GSDME: variants seen among roughly 807,000 people sequenced by gnomAD.
GSDME encodes gasdermin E, also known as gasdermin-E.
A neutral mutation model predicts 47.5 loss-of-function variants in GSDME; 44 were observed. The observed-to-expected ratio is 0.93, with a 90% CI of 0.73 to 1.19. GSDME has a LOEUF of 1.19. GSDME is among the 50% of genes most tolerant of loss of function. GSDME has a pLI of 0.00. For synonymous variants in GSDME, 258 were observed against 252.8 expected, an observed-to-expected ratio of 1.02 and a Z score of -0.20; for missense variants, 663 against 604.2, an observed-to-expected ratio of 1.10 and a Z score of -1.02.
rs1395273223 is a variant in GSDME, at chr7:24,716,451, A to G, written c.697+803T>C. On this transcript the variant is annotated intron_variant, in intron 5 of 9. Transcript: ENST00000645220. The surrounding 1 kb of genome is among the most constrained non-coding windows in gnomAD (Gnocchi z 4.5). ...TAACTATAATACCATTGTCACACCT[A>G]AAAAACTTCACAATTTATTATGTTA... 6.6e-6 allele frequency: 1 copy of G among 152,364 alleles called. No individual in the cohort carries two copies. Among genetic ancestry groups the G allele is most frequent in the Non-Finnish European group, 1.5e-5 (1 of 68,152 alleles). 9.4% of individuals were successfully genotyped at this position (152,364 alleles called of 1,614,324 possible).
Position 24,736,238 on chromosome 7 carries a change from AAAC to A in GSDME, c.404+8321_404+8323del. On this transcript the variant is annotated intron_variant, in intron 3 of 9. Coordinates refer to ENST00000645220, the MANE Select transcript of GSDME (RefSeq NM_001127453.2). The surrounding 1 kb of genome is among the most constrained non-coding windows in gnomAD (Gnocchi z 4.6). ...GACATACACTGGCTAAATGGATTAAAAACAACAAAAAAAGACCAAATGATCTGT... is the reference window on the plus strand; with the variant it reads ...GACATACACTGGCTAAATGGATTAAAAACAAAAAAAGACCAAATGATCTGT... Among the ~76,000 whole-genome samples, 1 of 152,294 alleles carries A rather than the reference AAAC, an allele frequency of 6.6e-6. No homozygotes were observed. Among genetic ancestry groups the A allele is most frequent in the Non-Finnish European group, 1.5e-5 (1 of 68,024 alleles).
chr7:24,711,681 C>T (rs1435852606), intron 5 of GSDME, among the ~76,000 whole-genome samples: 1 of 151,852 alleles, frequency 6.6e-6, no homozygotes, highest in Non-Finnish European at 1.5e-5. Context: ...TGGGCATGGT[C>T]ACACATGCCT....
intron 9 of GSDME, among the ~76,000 whole-genome samples, chr7:24,700,873 G>T (rs1788837034): frequency 6.6e-6 from 1 of 152,220 alleles, no homozygotes; most frequent in Non-Finnish European, 1.5e-5. Flanking sequence ...CCTGGTGGAT[G>T]AGAGCTGTGC....
At position 24,745,584 on chromosome 7, in the gene GSDME, T is replaced by C. The variant is rs997758981; in HGVS notation, c.212-830A>G. On this transcript the variant is annotated intron_variant, in intron 2 of 9. Transcript: ENST00000645220. The surrounding 1 kb of genome is among the most constrained non-coding windows in gnomAD (Gnocchi z 4.4). The stretch of plus-strand genomic sequence containing the variant: ...TCTCACATCTCCAGGTTTCTACTAT[T>C]CTCTTTTGTAATCCAAACAAAAACC... 6.6e-6 allele frequency among the ~76,000 whole-genome samples: 1 copy of C among 152,164 alleles called. No individual in the cohort carries two copies. Among genetic ancestry groups the C allele is most frequent in the Non-Finnish European group, 1.5e-5 (1 of 68,026 alleles).
In GSDME at chr7:24,721,336, C is replaced by G. The variant is rs2128054626; in HGVS notation, c.405-2118G>C. 6.6e-6 allele frequency among the ~76,000 whole-genome samples: 1 copy of G among 152,332 alleles called. No individual in the cohort carries two copies. Among genetic ancestry groups the G allele is most frequent in the Non-Finnish European group, 1.5e-5 (1 of 68,038 alleles). ...AAGGAAATTCAAATTATAAAAATGT[C>G]TCACACGTGATAAAAATACATTGAT... On this transcript the variant is annotated intron_variant, in intron 3 of 9. Transcript: ENST00000645220. The surrounding 1 kb of genome is among the most constrained non-coding windows in gnomAD (Gnocchi z 4.1).
intron 3 of GSDME, among the ~76,000 whole-genome samples, chr7:24,722,084 A>G (rs758195248): frequency 1.3e-5 from 2 of 152,188 alleles, no homozygotes; most frequent in Non-Finnish European, 2.9e-5. Flanking sequence ...CTCCATCAAG[A>G]ATATAAACCC....
intron 3 of GSDME, among the ~76,000 whole-genome samples, chr7:24,738,456 G>A (rs1790379986): frequency 6.6e-6 from 1 of 152,020 alleles, no homozygotes. Flanking sequence ...AAACACTGAT[G>A]AAAGAAATTG....
chr7:24,769,571 GTTT>G, the GSDME span, among the ~76,000 whole-genome samples: 17 of 152,098 alleles, frequency 1.1e-4, no homozygotes, highest in Non-Finnish European at 2.1e-4. Flanking sequence ...AGGGAACTAA[GTTT>G]CACAGCCCAG....
chr7:24,748,954 C>G (rs1790766869), intron 2 of GSDME, among the ~76,000 whole-genome samples: 3 of 152,160 alleles, frequency 2.0e-5, no homozygotes, highest in Admixed American at 6.5e-5. Context: ...GTGGCATCAT[C>G]AGTTCAACAC....
chr7:24,794,391 A>T, the GSDME span, among the ~76,000 whole-genome samples: 1 of 150,844 alleles, frequency 6.6e-6, no homozygotes, highest in East Asian at 2.0e-4. Context: ...CTCTTCCCCT[A>T]GGGGAGAGAC....
chr7:24,710,469 C>A (rs1343656677), intron 5 of GSDME, 81 bp from the exon 6 acceptor site: 2 of 1,347,584 alleles, frequency 1.5e-6, no homozygotes, highest in East Asian at 2.3e-5. Flanking sequence ...TCAGCCCAGC[C>A]TTGATGGCAC....
the GSDME span, among the ~76,000 whole-genome samples, chr7:24,770,197 C>T: frequency 6.6e-6 from 1 of 152,238 alleles, no homozygotes; most frequent in Non-Finnish European, 1.5e-5. The surrounding 1 kb of genome is among the most constrained non-coding windows in gnomAD (Gnocchi z 4.6). Context: ...ATGCCTACAT[C>T]ATGGAACCTC....
chr7:24,793,510 T>A, the GSDME span, among the ~76,000 whole-genome samples: 8 of 152,336 alleles, frequency 5.3e-5, no homozygotes, highest in African/African-American at 1.9e-4. Context: ...TATATTTTAC[T>A]TTTCTTACAC....
At chr7:24,715,697 G>A (rs2128052239) in intron 5 of GSDME, 1 of 319,330 alleles carries the variant, frequency 3.1e-6, no homozygotes, top group Non-Finnish European at 6.5e-6. Context: ...CAAAGAGAAA[G>A]ATGACAATAA....
In GSDME at chr7:24,721,555, C is replaced by T. The variant is rs774806215; in HGVS notation, c.405-2337G>A. Among the ~76,000 whole-genome samples the T allele has an allele frequency of 2.0e-5, 3 of 152,152 alleles. No individual in the cohort carries two copies. The highest frequency in any genetic ancestry group is 4.4e-5 in the Non-Finnish European group (3 of 68,020). ...ACAGGGCCCCCTCCTCATGGGGTTC[C>T]GTCAGGGTTTAGATGACATGCATGC... On this transcript the variant is annotated intron_variant, in intron 3 of 9. Transcript: ENST00000645220. The surrounding 1 kb of genome is among the most constrained non-coding windows in gnomAD (Gnocchi z 4.1).
chr7:24,747,425 A>G (rs1044072358), intron 2 of GSDME, among the ~76,000 whole-genome samples: 3 of 152,212 alleles, frequency 2.0e-5, no homozygotes, highest in Non-Finnish European at 2.9e-5. Flanking sequence ...GCAATCACAA[A>G]ATTAGAGAAT....
chr7:24,749,149 G>C (rs923390790), intron 2 of GSDME, among the ~76,000 whole-genome samples: 1 of 152,192 alleles, frequency 6.6e-6, no homozygotes, highest in African/African-American at 2.4e-5. Context: ...AAGATGACAA[G>C]CAAAGAAACA....
At chr7:24,707,424 T>TGA (rs1789157493) in intron 7 of GSDME, 1 of 471,610 alleles carries the variant, frequency 2.1e-6, no homozygotes. Context: ...GATATCCTTC[T>TGA]GCTGCAAAAC....
intron 3 of GSDME, among the ~76,000 whole-genome samples, chr7:24,737,326 C>T (rs1438152098): frequency 6.6e-6 from 1 of 151,638 alleles, no homozygotes; most frequent in Non-Finnish European, 1.5e-5. Flanking sequence ...TACATTAATA[C>T]TACAGAAATT....
Sources: gnomAD v4.1 joint callset for allele counts (sites outside exome capture counted in the v4.1 genomes callset) on GRCh38, gnomAD v4.1.1 for gene constraint, Gnocchi (gnomAD v3.1) non-coding constraint, MANE v1.5 for transcripts, NCBI Gene and HGNC (gene_info 2026-07-23, HGNC 2026-07-21) for gene names.